GDA: variants seen among roughly 807,000 people sequenced by gnomAD.
GDA encodes cytoplasmic PSD-95 interactor.
A neutral mutation model predicts 59.6 loss-of-function variants in GDA; 18 were observed. The ratio of observed to expected loss-of-function variants is 0.30; its 90% CI spans 0.21 to 0.45. The LOEUF (loss-of-function observed/expected upper bound fraction) is 0.45. Among genes scored for constraint, GDA ranks in the 20% least tolerant of loss-of-function variants. The probability of loss-of-function intolerance (pLI) is 1.00; values close to 1 mark genes in which losing one functional copy is unlikely to be tolerated. For missense variants in GDA, 427 were observed against 552.3 expected (o/e 0.77, Z 2.27); for synonymous variants, 201 against 201.1 (o/e 1.00, Z 0.00).
chr9:72,246,958 T>C (rs948805117), intron 12 of GDA, among the ~76,000 whole-genome samples: 2 of 152,140 alleles, frequency 1.3e-5, no homozygotes, highest in Non-Finnish European at 2.9e-5. Context: ...CATCCCTCTT[T>C]TCTGCTTATC....
At chr9:72,145,408 C>A (rs1826591985), upstream of GDA, among the ~76,000 whole-genome samples, 1 of 152,220 alleles carries the variant, frequency 6.6e-6, no homozygotes, top group Non-Finnish European at 1.5e-5. Context: ...GCCAACCTCC[C>A]TGAACCCCAG....
chr9:72,161,097 A>G (rs765947634), intron 1 of GDA, among the ~76,000 whole-genome samples: 89 of 150,984 alleles, frequency 5.9e-4, no homozygotes, highest in Non-Finnish European at 1.1e-3. Context: ...TAGTAGAGAC[A>G]GGATTTCACC....
intron 1 of GDA, among the ~76,000 whole-genome samples, chr9:72,192,408 T>A (rs1213825564): frequency 6.6e-6 from 1 of 150,682 alleles, no homozygotes; most frequent in Non-Finnish European, 1.5e-5. Flanking sequence ...ATTTTTGTAG[T>A]TTTAGTAGAG....
chr9:72,247,366 A>G, intron 12 of GDA, 40 bp from the exon 13 acceptor site: 1 of 1,279,638 alleles, frequency 7.8e-7, no homozygotes, highest in Admixed American at 1.7e-5. Flanking sequence ...TTCTAAATGC[A>G]CAAATGAGTC....
At chr9:72,219,366 T>G (rs1031087953) in intron 5 of GDA, 113 bp from the exon 6 acceptor site, 14 of 715,940 alleles carry the variant, frequency 2.0e-5, no homozygotes, top group African/African-American at 1.6e-4. Context: ...TCGCACCACT[T>G]CACTCCAGCC....
intron 1 of GDA, among the ~76,000 whole-genome samples, chr9:72,190,274 C>T (rs1475686307): frequency 6.6e-6 from 1 of 152,044 alleles, no homozygotes; most frequent in Non-Finnish European, 1.5e-5. Context: ...CTACAGGCAC[C>T]TGCCACCACG....
chr9:72,150,161 T>C (rs1184435623), intron 1 of GDA, among the ~76,000 whole-genome samples: 2 of 152,178 alleles, frequency 1.3e-5, no homozygotes, highest in East Asian at 1.9e-4. Flanking sequence ...GTCCAGAACA[T>C]AGAATAAATA....
chr9:72,196,284 C>G lies in GDA; in HGVS notation c.212+696C>G, dbSNP rs191553409. 4.1e-3 allele frequency among the ~76,000 whole-genome samples: 628 copies of G among 151,802 alleles called. 5 individuals are homozygous for G. The highest frequency in any genetic ancestry group is 0.014 in the African/African-American group (580 of 41,434). ...TCACCTGAGATCAGGAGTTCAAGACCAGCCTGGCCAACGTGGTGAAACCCC... is the reference window on the plus strand; with the variant it reads ...TCACCTGAGATCAGGAGTTCAAGACGAGCCTGGCCAACGTGGTGAAACCCC... On this transcript the variant is annotated intron_variant, in intron 2 of 13. Coordinates refer to ENST00000358399, the MANE Select transcript of GDA (RefSeq NM_004293.5).
intron 10 of GDA, among the ~76,000 whole-genome samples, chr9:72,234,454 G>A (rs922730211): frequency 6.6e-6 from 1 of 152,162 alleles, no homozygotes; most frequent in Non-Finnish European, 1.5e-5. Flanking sequence ...CACCAACCCT[G>A]TAGGAAGCTA....
chr9:72,135,979 T>A (rs1281266309), intron 1 of GDA, among the ~76,000 whole-genome samples: 1 of 152,114 alleles, frequency 6.6e-6, no homozygotes, highest in African/African-American at 2.4e-5. Flanking sequence ...GGCACCTACA[T>A]TGATTTAGTT....
chr9:72,198,950 A>G (rs1455096151), intron 2 of GDA, among the ~76,000 whole-genome samples: 1 of 151,396 alleles, frequency 6.6e-6, no homozygotes, highest in South Asian at 2.1e-4. Context: ...TGAGGAAATT[A>G]TGATGCTGAT....
chr9:72,243,709 T>C (rs1225830816), intron 11 of GDA, among the ~76,000 whole-genome samples: 2 of 152,212 alleles, frequency 1.3e-5, no homozygotes, highest in Non-Finnish European at 2.9e-5. Context: ...CTTTAAAGAA[T>C]CTTTTAAGAA....
At chr9:72,161,010 A>T (rs1329731411) in intron 1 of GDA, among the ~76,000 whole-genome samples, 4 of 151,676 alleles carry the variant, frequency 2.6e-5, no homozygotes, top group Non-Finnish European at 5.9e-5. Context: ...AAGTTCAAGC[A>T]ATTCTCCACC....
intron 12 of GDA, among the ~76,000 whole-genome samples, chr9:72,246,698 A>G (rs1372227671): frequency 2.0e-5 from 3 of 151,668 alleles, no homozygotes; most frequent in East Asian, 3.9e-4. Flanking sequence ...CCCTTACGTG[A>G]TGGTCTTATG....
chr9:72,182,582 G>A (rs1166022616), intron 1 of GDA, among the ~76,000 whole-genome samples: 4 of 152,166 alleles, frequency 2.6e-5, no homozygotes, highest in African/African-American at 4.8e-5. Flanking sequence ...CTGAGGTGGT[G>A]TGGGCCAGCT....
chr9:72,214,800 C>T (rs1835889224), intron 5 of GDA: 1 of 278,608 alleles, frequency 3.6e-6, no homozygotes, highest in Admixed American at 5.1e-5. Flanking sequence ...ATGGCGCGAT[C>T]TCAGCTCACT....
At chr9:72,241,412 T>A (rs1839598874) in intron 11 of GDA, 114 bp downstream of exon 11, 2 of 730,332 alleles carry the variant, frequency 2.7e-6, no homozygotes, top group Admixed American at 5.1e-5. Flanking sequence ...TTTGTGATGA[T>A]CACATCTCAT....
At chr9:72,115,125 G>C (rs551850614) in intron 1 of GDA, among the ~76,000 whole-genome samples, 2 of 152,256 alleles carry the variant, frequency 1.3e-5, no homozygotes, top group South Asian at 4.1e-4. Context: ...AGTGCTGGTT[G>C]GGGCAGGCTG....
chr9:72,218,336 C>T (rs1836418984), intron 5 of GDA, among the ~76,000 whole-genome samples: 1 of 152,080 alleles, frequency 6.6e-6, no homozygotes, highest in Non-Finnish European at 1.5e-5. Context: ...TTTTTCTGTT[C>T]CCCAGACCCC....
Sources: allele counts gnomAD v4.1 joint callset (sites outside exome capture counted in the v4.1 genomes callset), GRCh38; gene constraint gnomAD v4.1.1; transcripts MANE v1.5; gene names NCBI Gene and HGNC (gene_info 2026-07-23, HGNC 2026-07-21).